Variants in TRIM56 observed in about 807,000 individuals in gnomAD.
TRIM56 encodes tripartite motif containing 56.
In TRIM56, 10 loss-of-function variants were observed where a neutral mutation model predicts 17.1. The ratio of observed to expected loss-of-function variants is 0.58; its 90% confidence interval spans 0.36 to 0.99. The LOEUF (loss-of-function observed/expected upper bound fraction) is 0.99, where lower values mean the gene tolerates loss of function less well. Among genes scored for constraint, TRIM56 ranks in the 50% least tolerant of loss-of-function variants. The pLI is 0.01. For synonymous variants in TRIM56, 503 were observed against 473.5 expected, an observed-to-expected ratio of 1.06 and a Z score of -0.81; for missense variants, 923 against 1,052.3, an observed-to-expected ratio of 0.88 and a Z score of 1.70.
Position 101,087,464 on chromosome 7 carries a change from G to A in TRIM56, c.152G>A (p.Gly51Asp), listed in dbSNP as rs774388621. The A allele has an allele frequency of 1.2e-6, 2 of 1,613,230 alleles. No homozygotes were observed. Among genetic ancestry groups the A allele is most frequent in the African/African-American group, 2.7e-5 (2 of 74,940 alleles). ...CQDCLAQLAD[G>D]GRVRCPECRE... is the part of the protein sequence containing the mutation. ...GACTGCCTGGCACAGCTGGCGGATGGCGGCCGCGTCCGCTGCCCCGAGTGC... is the reference window on the plus strand; with the variant it reads ...GACTGCCTGGCACAGCTGGCGGATGACGGCCGCGTCCGCTGCCCCGAGTGC... Residue 51 changes from glycine to aspartate, a missense_variant, in exon 3 of 3, where the codon GGC becomes GAC. Around this residue, in one of 3 missense-constraint regions of TRIM56, gnomAD observed 98 missense variants for 143.6 expected, o/e 0.68. Coordinates refer to ENST00000306085, the MANE Select transcript of TRIM56 (RefSeq NM_030961.3).
rs551083974 is a variant in TRIM56, at chr7:101,091,507, A to C, written c.*1927A>C. On this transcript the variant is annotated 3_prime_UTR_variant, in exon 3 of 3. Transcript: ENST00000306085. ...TCTGGGAGGCTGGGGTGGGTGGATC[A>C]CTCAAGGTCAGGAGTTCGAGACCAG... 1.1e-5 allele frequency: 3 copies of C among 285,304 alleles called. No individual in the cohort carries two copies. Among genetic ancestry groups the C allele is most frequent in the South Asian group, 8.3e-5 (3 of 36,138 alleles). The allele number at this position is 285,304 out of a possible 1,614,324, so 17.7% of individuals were successfully genotyped here.
chr7:101,087,292 C>A lies in TRIM56; in HGVS notation c.-1-20C>A. 2 of 1,601,878 alleles carry A rather than the reference C, an allele frequency of 1.2e-6. No homozygotes were observed. The highest frequency in any genetic ancestry group is 1.1e-5 in the South Asian group (1 of 89,804). On this transcript the variant is annotated intron_variant, in intron 2 of 2. Coordinates refer to ENST00000306085, the MANE Select transcript of TRIM56 (RefSeq NM_030961.3). Reference sequence around the variant, plus strand: ...GTGAAGGTGCCTTCTCAACTCTGATCCTGACGCCTCTGCCTGCAGCATGGT... The same window carrying A: ...GTGAAGGTGCCTTCTCAACTCTGATACTGACGCCTCTGCCTGCAGCATGGT...
chr7:101,090,325 TAAAAA>T lies in TRIM56; in HGVS notation c.*750_*754del, dbSNP rs199938697. The T allele has an allele frequency of 6.0e-6, 1 of 165,774 alleles. No homozygotes were observed. The highest frequency in any genetic ancestry group is 1.5e-5 in the Non-Finnish European group (1 of 67,850). The allele number at this position is 165,774 out of a possible 1,614,324, so 10.3% of individuals were successfully genotyped here. On this transcript the variant is annotated 3_prime_UTR_variant, in exon 3 of 3. Coordinates refer to ENST00000306085, the MANE Select transcript of TRIM56 (RefSeq NM_030961.3). ...CAGCCTTTTGGCTAAGATTAAGTAT[TAAAAA>T]AAAACCAGGCTCTGCCAGGCGCAGT...
chr7:101,093,449 G>A lies in TRIM56; in HGVS notation c.*3869G>A, dbSNP rs985561676. ...ACATGCAATGACTAGAACAGTATTT[G>A]GTCAAAGAACCACATAAGCTCTGTA... On this transcript the variant is annotated 3_prime_UTR_variant, in exon 3 of 3. Coordinates refer to ENST00000306085, the MANE Select transcript of TRIM56 (RefSeq NM_030961.3). The A allele has an allele frequency of 1.3e-5, 2 of 151,420 alleles. No individual in the cohort carries two copies. The highest frequency in any genetic ancestry group is 2.9e-5 in the Non-Finnish European group (2 of 68,004). The allele number at this position is 151,420 out of a possible 1,614,324, so 9.4% of individuals were successfully genotyped here.
chr7:101,088,017 G>T lies in TRIM56; in HGVS notation c.705G>T (p.Arg235Ser). The change falls in exon 3 of 3, where the codon AGG becomes AGT. Residue 235 changes from arginine (R) to serine (S), a missense_variant. Coordinates refer to ENST00000306085, the MANE Select transcript of TRIM56 (RefSeq NM_030961.3). Reference sequence around the variant, plus strand: ...TGGTGGAGCTGGAGGCAGCGCGGAGGGTGGAGAAGGAGGCGCTAGCCCGGC... The same window carrying T: ...TGGTGGAGCTGGAGGCAGCGCGGAGTGTGGAGAAGGAGGCGCTAGCCCGGC... ...NNLVELEAAR[R>S]VEKEALARLR... is the part of the protein sequence containing the mutation. 4.5e-6 allele frequency: 7 copies of T among 1,569,536 alleles called. No individual in the cohort carries two copies. The highest frequency in any genetic ancestry group is 6.0e-6 in the Non-Finnish European group (7 of 1,164,006).
chr7:101,096,799 T>C lies in TRIM56; in HGVS notation c.*7219T>C, dbSNP rs1481727752. 1 of 152,130 alleles carries C rather than the reference T, an allele frequency of 6.6e-6. No individual in the cohort carries two copies. Among genetic ancestry groups the C allele is most frequent in the African/African-American group, 2.4e-5 (1 of 41,426 alleles). The allele number at this position is 152,130 out of a possible 1,614,324, so 9.4% of individuals were successfully genotyped here. A position where few individuals can be genotyped will look rare whatever the true frequency, so the allele number is the denominator to read the frequency against. On this transcript the variant is annotated 3_prime_UTR_variant, in exon 3 of 3. Coordinates refer to ENST00000306085, the MANE Select transcript of TRIM56 (RefSeq NM_030961.3). ...TCAGCTTCTCCTTCAGAGGAGACCA[T>C]TTTGTTTTGCTTTCCAGCAGTTACT...
In TRIM56 at chr7:101,088,197, T is replaced by G; in HGVS notation, c.885T>G (p.Leu295=). 1 of 1,476,350 alleles carries G rather than the reference T, an allele frequency of 6.8e-7. No individual in the cohort carries two copies. Among genetic ancestry groups the G allele is most frequent in the Non-Finnish European group, 8.9e-7 (1 of 1,117,516 alleles). The allele number at this position is 1,476,350 out of a possible 1,614,324, so 91.5% of individuals were successfully genotyped here. A position where few individuals can be genotyped will look rare whatever the true frequency, so the allele number is the denominator to read the frequency against. ...EEAARERLAE[L]EGREQVARAA... ...CTGCTCGGGAGAGGCTGGCGGAGCT[T>G]GAGGGCCGGGAGCAGGTGGCCAGGG... is the stretch of plus-strand genomic sequence containing the variant. Residue 295 remains leucine, a synonymous_variant, in exon 3 of 3, where the codon CTT becomes CTG. Transcript: ENST00000306085.
In TRIM56 at chr7:101,088,016, G is replaced by A; in HGVS notation, c.704G>A (p.Arg235Lys). 1.3e-6 allele frequency: 2 copies of A among 1,569,514 alleles called. No individual in the cohort carries two copies. Among genetic ancestry groups the A allele is most frequent in the Non-Finnish European group, 8.6e-7 (1 of 1,164,014 alleles). Reference sequence around the variant, plus strand: ...CTGGTGGAGCTGGAGGCAGCGCGGAGGGTGGAGAAGGAGGCGCTAGCCCGG... The same window carrying A: ...CTGGTGGAGCTGGAGGCAGCGCGGAAGGTGGAGAAGGAGGCGCTAGCCCGG... ...NNLVELEAAR[R>K]VEKEALARLR... Residue 235 changes from arginine to lysine, a missense_variant, in exon 3 of 3, where the codon AGG (arginine) becomes AAG (lysine). Arg to Lys is a conservative substitution (Grantham distance 26). Coordinates refer to ENST00000306085, the MANE Select transcript of TRIM56 (RefSeq NM_030961.3).
chr7:101,088,916 C>G lies in TRIM56; in HGVS notation c.1604C>G (p.Ser535Cys). Reference sequence around the variant, plus strand: ...CAGAACCGGGCACTGAAACGCTTCTCCCTCAACGGCGACTACAAGGGCACC... The same window carrying G: ...CAGAACCGGGCACTGAAACGCTTCTGCCTCAACGGCGACTACAAGGGCACC... ...DEQNRALKRF[S>C]LNGDYKGTVP... The change falls in exon 3 of 3, where the codon TCC becomes TGC. Residue 535 changes from serine to cysteine, a missense_variant. This residue lies in a region of TRIM56 where 643 missense variants were observed against 665.6 expected (regional missense o/e 0.97). Transcript: ENST00000306085. The G allele has an allele frequency of 6.2e-7, 1 of 1,613,850 alleles. No individual in the cohort carries two copies. Among genetic ancestry groups the G allele is most frequent in the Non-Finnish European group, 8.5e-7 (1 of 1,180,036 alleles).
In TRIM56 at chr7:101,087,835, G is replaced by A; in HGVS notation, c.523G>A (p.Glu175Lys). 1 of 1,604,180 alleles carries A rather than the reference G, an allele frequency of 6.2e-7. No individual in the cohort carries two copies. Residue 175 changes from glutamate (E) to lysine (K), a missense_variant, in exon 3 of 3, where the codon GAG becomes AAG. Physicochemically the swap from Glu to Lys is moderately conservative, Grantham distance 56. Transcript: ENST00000306085. ...GGCCCAGTGTCCCCAGCACCCCGGGGAGGCACTGCGCTTCCTGTGCCAGCC... is the reference window on the plus strand; with the variant it reads ...GGCCCAGTGTCCCCAGCACCCCGGGAAGGCACTGCGCTTCCTGTGCCAGCC... ...QAAQCPQHPG[E>K]ALRFLCQPCS... is the part of the protein sequence containing the mutation.
rs1230008612 is a variant in TRIM56, at chr7:101,091,731, A to AAAAAAG, written c.*2162_*2167dup. 2.2e-6 allele frequency: 1 copy of AAAAAAG among 445,450 alleles called. No individual in the cohort carries two copies. The highest frequency in any genetic ancestry group is 4.4e-6 in the Non-Finnish European group (1 of 225,136). 27.6% of individuals were successfully genotyped at this position (445,450 alleles called of 1,614,324 possible). A position where few individuals can be genotyped will look rare whatever the true frequency, so the allele number is the denominator to read the frequency against. On this transcript the variant is annotated 3_prime_UTR_variant, in exon 3 of 3. Coordinates refer to ENST00000306085, the MANE Select transcript of TRIM56 (RefSeq NM_030961.3). ...AACAAGAATGAAACTCCATCTCAAA[A>AAAAAAG]AAAAAGAAAAAGAAAAGAAAGAAAA...
chr7:101,089,568 T>C lies in TRIM56; in HGVS notation c.2256T>C (p.Ser752=), dbSNP rs1366077421. 6.2e-7 allele frequency: 1 copy of C among 1,613,554 alleles called. No individual in the cohort carries two copies. Among genetic ancestry groups the C allele is most frequent in the Non-Finnish European group, 8.5e-7 (1 of 1,179,684 alleles). The change falls in exon 3 of 3, where the codon TCT becomes TCC. Residue 752 remains serine (S), a synonymous_variant. Coordinates refer to ENST00000306085, the MANE Select transcript of TRIM56 (RefSeq NM_030961.3). ...NGTIHIFRVR[S]PDS is the part of the protein sequence containing the mutation. Reference sequence around the variant, plus strand: ...CCATCCACATCTTTCGGGTCCGTTCTCCGGACAGTTAAAGGGGCTAGGACT... The same window carrying C: ...CCATCCACATCTTTCGGGTCCGTTCCCCGGACAGTTAAAGGGGCTAGGACT...
chr7:101,086,083 G>A (rs939080701), intron 1 of TRIM56, among the ~76,000 whole-genome samples: 3 of 152,148 alleles, frequency 2.0e-5, no homozygotes, highest in South Asian at 2.1e-4. Context: ...CACCACCCGC[G>A]ATGCTGCCCC....
At chr7:101,086,348 G>A (rs142522773) in intron 1 of TRIM56, among the ~76,000 whole-genome samples, 2,604 of 152,232 alleles carry the variant, frequency 0.017, 75 homozygotes, top group African/African-American at 0.059. Flanking sequence ...ATCACCTGAG[G>A]TCAGGAGTTC....
rs940286079 is a variant in TRIM56, at chr7:101,087,593, T to C, written c.281T>C (p.Leu94Pro). 1 of 1,612,268 alleles carries C rather than the reference T, an allele frequency of 6.2e-7. No homozygotes were observed. The highest frequency in any genetic ancestry group is 1.1e-5 in the South Asian group (1 of 90,980). Residue 94 changes from leucine to proline, a missense_variant, in exon 3 of 3, where the codon CTG becomes CCG. Coordinates refer to ENST00000306085, the MANE Select transcript of TRIM56 (RefSeq NM_030961.3). ...DLVKARACGD[L>P]RAGKPACALC... is the part of the protein sequence containing the mutation. ...GTGAAGGCCCGGGCCTGTGGAGACC[T>C]GCGTGCCGGGAAGCCAGCCTGTGCC... is the stretch of plus-strand genomic sequence containing the variant.
rs1795465845 is a variant in TRIM56 at position 101,087,357 on chromosome 7, C to G, written c.45C>G (p.Ser15Arg). Reference protein sequence around the residue: ...GSSPSLLEALSSDFLACKICL... With the variant: ...GSSPSLLEALRSDFLACKICL... ...CGCCCTCCCTCCTGGAGGCCCTGAGCAGCGACTTCCTGGCCTGTAAAATCT... is the reference window on the plus strand; with the variant it reads ...CGCCCTCCCTCCTGGAGGCCCTGAGGAGCGACTTCCTGGCCTGTAAAATCT... The change falls in exon 3 of 3, where the codon AGC (serine) becomes AGG (arginine). Residue 15 changes from serine to arginine, a missense_variant. Transcript: ENST00000306085. The G allele has an allele frequency of 6.2e-7, 1 of 1,612,838 alleles. No homozygotes were observed. Among genetic ancestry groups the G allele is most frequent in the African/African-American group, 1.3e-5 (1 of 74,940 alleles).
chr7:101,090,609 A>G lies in TRIM56; in HGVS notation c.*1029A>G, dbSNP rs1253432233. ...ACTGCATTCCAGACCCCATCTCGAA[A>G]AAAAAAAAAAAAAAAAAAAACAGAA... On this transcript the variant is annotated 3_prime_UTR_variant, in exon 3 of 3. Transcript: ENST00000306085. 1.8e-5 allele frequency: 2 copies of G among 111,602 alleles called. No individual in the cohort carries two copies. Among genetic ancestry groups the G allele is most frequent in the African/African-American group, 4.3e-5 (1 of 23,410 alleles). The allele number at this position is 111,602 out of a possible 1,614,324, so 6.9% of individuals were successfully genotyped here.
rs1278582192 is a variant in TRIM56 at position 101,093,565 on chromosome 7, C to G, written c.*3985C>G. 1 of 151,334 alleles carries G rather than the reference C, an allele frequency of 6.6e-6. No individual in the cohort carries two copies. The highest frequency in any genetic ancestry group is 2.1e-4 in the South Asian group (1 of 4,802). 9.4% of individuals were successfully genotyped at this position (151,334 alleles called of 1,614,324 possible). A position where few individuals can be genotyped will look rare whatever the true frequency, so the allele number is the denominator to read the frequency against. ...AAAAGAAAGGCTGGACGCGGTGGCT[C>G]ACACCTGTAATCCCAGCACTTTGGG... On this transcript the variant is annotated 3_prime_UTR_variant, in exon 3 of 3. Coordinates refer to ENST00000306085, the MANE Select transcript of TRIM56 (RefSeq NM_030961.3).
chr7:101,091,600 G>A lies in TRIM56; in HGVS notation c.*2020G>A, dbSNP rs1315809418. ...AAATTAGCTAGGCGTGGGAGCGGGC[G>A]TCTGTAATCCCAGCTACTTGGGAGG... On this transcript the variant is annotated 3_prime_UTR_variant, in exon 3 of 3. Transcript: ENST00000306085. The A allele has an allele frequency of 3.2e-5, 12 of 373,452 alleles. No individual in the cohort carries two copies. Among genetic ancestry groups the A allele is most frequent in the East Asian group, 1.6e-4 (2 of 12,674 alleles). The allele number at this position is 373,452 out of a possible 1,614,324, so 23.1% of individuals were successfully genotyped here. A position where few individuals can be genotyped will look rare whatever the true frequency, so the allele number is the denominator to read the frequency against.
Sources: allele counts gnomAD v4.1 joint callset (sites outside exome capture counted in the v4.1 genomes callset), GRCh38; gene constraint gnomAD v4.1.1; regional missense constraint gnomAD v4.1.1; transcripts MANE v1.5; gene names NCBI Gene and HGNC (gene_info 2026-07-23, HGNC 2026-07-21).